Variants in MDM1 observed in about 807,000 individuals in gnomAD.
The protein encoded by MDM1 is Mdm1 nuclear protein.
In MDM1, 61 loss-of-function variants were observed where a neutral mutation model predicts 89.1. That is an observed-to-expected ratio of 0.68 (90% CI 0.56 to 0.85). The LOEUF (loss-of-function observed/expected upper bound fraction) is 0.85, where lower values mean the gene tolerates loss of function less well. MDM1 is among the 40% of genes least tolerant of loss of function. MDM1 has a pLI of 0.00. For missense variants in MDM1, 820 were observed against 846.5 expected (o/e 0.97, Z 0.39); for synonymous variants, 290 against 294.1 (o/e 0.99, Z 0.14).
chr12:68,326,280 T>TA (rs1317743421), intron 3 of MDM1: 2 of 1,247,784 alleles, frequency 1.6e-6, no homozygotes, highest in East Asian at 3.3e-5. Context: ...TTGTACACGA[T>TA]AAGAAACTGA....
intron 3 of MDM1, chr12:68,325,862 A>G (rs1875894955): frequency 9.6e-7 from 1 of 1,040,956 alleles, no homozygotes; most frequent in Non-Finnish European, 1.2e-6. Flanking sequence ...CTAATCATTC[A>G]TAATTAAATC....
At chr12:68,307,040 C>A (rs1872992548) in intron 12 of MDM1, among the ~76,000 whole-genome samples, 1 of 152,162 alleles carries the variant, frequency 6.6e-6, no homozygotes, top group South Asian at 2.1e-4. Flanking sequence ...ATGTCCACTG[C>A]AACAACATGG....
At chr12:68,296,542 T>C (rs1871419101) in intron 14 of MDM1, among the ~76,000 whole-genome samples, 2 of 152,336 alleles carry the variant, frequency 1.3e-5, no homozygotes, top group South Asian at 4.1e-4. Context: ...ATGTCAATTT[T>C]CTCTAATCAT....
chr12:68,314,161 A>C (rs908181174), intron 10 of MDM1, among the ~76,000 whole-genome samples: 2 of 151,202 alleles, frequency 1.3e-5, no homozygotes, highest in African/African-American at 2.4e-5. Context: ...AAAACTTGTA[A>C]GAGAAGGCCA....
At position 68,295,263 on chromosome 12, in the gene MDM1, AC is replaced by A; in HGVS notation, c.2165del (p.Gly722ValfsTer7). 1.2e-6 allele frequency: 2 copies of A among 1,610,590 alleles called. No individual in the cohort carries two copies. Among genetic ancestry groups the A allele is most frequent in the Non-Finnish European group, 1.7e-6 (2 of 1,177,722 alleles). ...GGCAACTCAGCTAGGTTTATGTTTT[AC>A]CCCAGAAATTCTCCTTCCTTTTCTT... is the stretch of plus-strand genomic sequence containing the variant. ...RAKKRKENFWGKT is the reference protein window; with the variant it reads ...RAKKRKENFWXKT On this transcript the variant is annotated frameshift_variant, in exon 15 of 15. Transcript: ENST00000682720. LOFTEE classifies it high-confidence loss of function.
intron 12 of MDM1, among the ~76,000 whole-genome samples, chr12:68,310,703 T>C (rs1383364622): frequency 6.6e-6 from 1 of 152,242 alleles, no homozygotes; most frequent in Admixed American, 6.5e-5. Context: ...AGCTGGACTC[T>C]GTTCTAAGCA....
At chr12:68,302,985 A>ACCCAACC in intron 12 of MDM1, 113 bp from the exon 13 acceptor site, 2 of 966,790 alleles carry the variant, frequency 2.1e-6, no homozygotes, top group Non-Finnish European at 2.9e-6. Context: ...GAGAAATATG[A>ACCCAACC]GAGAATTTAT....
chr12:68,322,501 G>A (rs1258848151), intron 5 of MDM1, among the ~76,000 whole-genome samples: 2 of 152,130 alleles, frequency 1.3e-5, no homozygotes, highest in African/African-American at 4.8e-5. Context: ...GGGCATGGTG[G>A]CGTGCATCTG....
Position 68,326,920 on chromosome 12 carries a change from T to C in MDM1, c.235A>G (p.Asn79Asp), listed in dbSNP as rs780938575. 7.4e-6 allele frequency: 12 copies of C among 1,614,142 alleles called. No individual in the cohort carries two copies. In the Admixed American group the frequency reaches 1.2e-4, roughly 16 times the overall value. The part of the protein sequence containing the change: ...LEWNGAISES[N>D]VVASPEPEAP... ...TCTGGTTCTGGTGATGCAACCACAT[T>C]GCTCTCTGAGATAGCTCCATTCCAC... is the stretch of plus-strand genomic sequence containing the variant. Residue 79 changes from asparagine (N) to aspartate (D), a missense_variant, in exon 3 of 15, where the codon AAT (asparagine) becomes GAT (aspartate). Asn to Asp is a conservative substitution (Grantham distance 23). Coordinates refer to ENST00000682720, the MANE Select transcript of MDM1 (RefSeq NM_001354969.2).
chr12:68,303,448 A>T (rs1444384907), intron 12 of MDM1, among the ~76,000 whole-genome samples: 1 of 152,222 alleles, frequency 6.6e-6, no homozygotes, highest in East Asian at 1.9e-4. Context: ...ACATAGCAGA[A>T]GCCTTAAAAT....
At chr12:68,301,663 G>A (rs1458475140) in intron 13 of MDM1, among the ~76,000 whole-genome samples, 2 of 152,046 alleles carry the variant, frequency 1.3e-5, no homozygotes, top group Non-Finnish European at 2.9e-5. Flanking sequence ...TAAAGACAGA[G>A]ATGGAAAACA....
chr12:68,309,801 T>C (rs1156856974), intron 12 of MDM1, among the ~76,000 whole-genome samples: 1 of 152,192 alleles, frequency 6.6e-6, no homozygotes, highest in Non-Finnish European at 1.5e-5. Context: ...ATGGTGTATA[T>C]CAAAGTTTAG....
At chr12:68,306,680 A>G (rs1049872453) in intron 12 of MDM1, among the ~76,000 whole-genome samples, 1 of 152,258 alleles carries the variant, frequency 6.6e-6, no homozygotes. Context: ...CCATAATGAG[A>G]TATCATCTCA....
At chr12:68,330,417 T>C (rs751255028) in intron 2 of MDM1, among the ~76,000 whole-genome samples, 1 of 152,352 alleles carries the variant, frequency 6.6e-6, no homozygotes, top group Non-Finnish European at 1.5e-5. Flanking sequence ...TCAGAGCTTA[T>C]ATACCTTCTA....
chr12:68,313,361 T>C, intron 12 of MDM1, 82 bp downstream of exon 12: 1 of 993,358 alleles, frequency 1.0e-6, no homozygotes. Flanking sequence ...TTCTCTAAAA[T>C]CTTAACCCAT....
intron 12 of MDM1, among the ~76,000 whole-genome samples, chr12:68,311,773 A>G (rs1411524093): frequency 6.6e-6 from 1 of 152,180 alleles, no homozygotes; most frequent in Non-Finnish European, 1.5e-5. Context: ...TTCTTGGAAA[A>G]GAAACTTCAG....
intron 12 of MDM1, among the ~76,000 whole-genome samples, chr12:68,304,251 T>A (rs1387023995): frequency 2.6e-5 from 4 of 150,996 alleles, no homozygotes; most frequent in African/African-American, 4.9e-5. Flanking sequence ...TCTATTTATT[T>A]AAAAAAAAAA....
intron 12 of MDM1, among the ~76,000 whole-genome samples, chr12:68,303,888 T>C (rs1297333942): frequency 1.3e-5 from 2 of 152,206 alleles, no homozygotes; most frequent in African/African-American, 4.8e-5. Context: ...ATTTGCTGTT[T>C]TCCACAATGA....
At position 68,296,950 on chromosome 12, in the gene MDM1, G is replaced by T; in HGVS notation, c.2035C>A (p.Pro679Thr). Reference protein sequence around the residue: ...GKARMNNLQLPQHEAFNDEDE... With the variant: ...GKARMNNLQLTQHEAFNDEDE... Reference sequence around the variant, plus strand: ...TCATCATTAAAGGCTTCATGTTGAGGTAACTGCAAATTGTTCATCCTTGCT... The same window carrying T: ...TCATCATTAAAGGCTTCATGTTGAGTTAACTGCAAATTGTTCATCCTTGCT... The change falls in exon 14 of 15, where the codon CCT (proline) becomes ACT (threonine). Residue 679 changes from proline to threonine, a missense_variant. By Grantham distance (38) the Pro-to-Thr change is conservative (BLOSUM62 -1). Coordinates refer to ENST00000682720, the MANE Select transcript of MDM1 (RefSeq NM_001354969.2). The T allele has an allele frequency of 6.3e-6, 10 of 1,589,378 alleles. No homozygotes were observed. The highest frequency in any genetic ancestry group is 7.7e-6 in the Non-Finnish European group (9 of 1,170,728).
Sources: gnomAD v4.1 joint callset for allele counts (sites outside exome capture counted in the v4.1 genomes callset) on GRCh38, gnomAD v4.1.1 for gene constraint, MANE v1.5 for transcripts, NCBI Gene and HGNC (gene_info 2026-07-23, HGNC 2026-07-21) for gene names.